WFDC1: variants seen among roughly 807,000 people sequenced by gnomAD.
The protein encoded by WFDC1 is WAP four-disulfide core domain protein 1.
WFDC1 carries 39 observed loss-of-function variants against 32.9 expected under a neutral mutation model. That is an observed-to-expected ratio of 1.19 (90% CI 0.92 to 1.55). The LOEUF is 1.55. Among genes scored for constraint, WFDC1 ranks in the 40% most tolerant of loss-of-function variants. WFDC1 has a pLI of 0.00. For synonymous variants in WFDC1, 184 were observed against 137.4 expected, an observed-to-expected ratio of 1.34 and a Z score of -2.37; for missense variants, 386 against 309.5, an observed-to-expected ratio of 1.25 and a Z score of -1.85.
intron 4 of WFDC1, among the ~76,000 whole-genome samples, chr16:84,319,872 C>G (rs1908205442): frequency 6.6e-6 from 1 of 152,196 alleles, no homozygotes; most frequent in African/African-American, 2.4e-5. Flanking sequence ...CCTCAGTTTC[C>G]TCATCTGTAA....
At chr16:84,318,247 C>T (rs7184264) in intron 2 of WFDC1, 25 bp from the exon 3 acceptor site, 49,578 of 1,613,422 alleles carry the variant, frequency 0.031, 1,643 homozygotes, top group African/African-American at 0.15. Context: ...GAGGAGGGCC[C>T]TGATCTGACC....
chr16:84,329,006 T>C (rs1445776935), intron 6 of WFDC1: 1 of 152,118 alleles, frequency 6.6e-6, no homozygotes, highest in Non-Finnish European at 1.5e-5. Flanking sequence ...GTTTAAATTC[T>C]TGTTCCAGCA....
chr16:84,311,642 C>T (rs181763317), intron 1 of WFDC1, among the ~76,000 whole-genome samples: 3 of 149,836 alleles, frequency 2.0e-5, no homozygotes, highest in Non-Finnish European at 4.4e-5. Context: ...CATCCTCCCG[C>T]CTCAGCCTCC....
intron 1 of WFDC1, among the ~76,000 whole-genome samples, chr16:84,312,472 G>T (rs1024460320): frequency 6.6e-6 from 1 of 152,118 alleles, no homozygotes; most frequent in African/African-American, 2.4e-5. Flanking sequence ...CGATGTTGTT[G>T]CATGGATTTA....
rs1280684345 is a variant in WFDC1, at chr16:84,303,254, A to C, written c.144+8139A>C. Among the ~76,000 whole-genome samples, 3 of 151,932 alleles carry C rather than the reference A, an allele frequency of 2.0e-5. No homozygotes were observed. In the East Asian group the frequency reaches 5.8e-4, roughly 29 times the overall value. The stretch of plus-strand genomic sequence containing the variant: ...GGAAAACTGGCTTTCTTCCTCCACC[A>C]CGCAAACCAGTGCTGGGGTGCATTT... On this transcript the variant is annotated intron_variant, in intron 1 of 6. Transcript: ENST00000219454.
chr16:84,310,920 G>A (rs1907578355), intron 1 of WFDC1, among the ~76,000 whole-genome samples: 1 of 152,170 alleles, frequency 6.6e-6, no homozygotes, highest in South Asian at 2.1e-4. Flanking sequence ...TGTTGGGGGA[G>A]GACTTGTGGG....
intron 3 of WFDC1, 49 bp from the exon 4 acceptor site, chr16:84,319,382 C>A: frequency 6.3e-7 from 1 of 1,593,178 alleles, no homozygotes; most frequent in Non-Finnish European, 8.5e-7. Context: ...GCATGTGCAC[C>A]TGTCCTGGGA....
At chr16:84,329,209 GA>G (rs1908780214) in intron 6 of WFDC1, 112 bp from the exon 7 acceptor site, 1 of 149,478 alleles carries the variant, frequency 6.7e-6, no homozygotes, top group Non-Finnish European at 1.5e-5. Flanking sequence ...GCGGCGGGGA[GA>G]CGAAAGATTT....
intron 1 of WFDC1, among the ~76,000 whole-genome samples, chr16:84,302,549 C>T (rs553126064): frequency 3.3e-5 from 5 of 152,132 alleles, no homozygotes; most frequent in South Asian, 2.1e-4. Flanking sequence ...CGTAGCTTCA[C>T]GCCCATCTCC....
Position 84,312,996 on chromosome 16 carries a change from GC to G in WFDC1, c.184del (p.Arg62GlufsTer44). 8.0e-7 allele frequency: 1 copy of G among 1,247,264 alleles called. No individual in the cohort carries two copies. Among genetic ancestry groups the G allele is most frequent in the Non-Finnish European group, 1.0e-6 (1 of 996,364 alleles). The allele number at this position is 1,247,264 out of a possible 1,614,324, so 77.3% of individuals were successfully genotyped here. A position where few individuals can be genotyped will look rare whatever the true frequency, so the allele number is the denominator to read the frequency against. On this transcript the variant is annotated frameshift_variant, in exon 2 of 7. Coordinates refer to ENST00000219454, the MANE Select transcript of WFDC1 (RefSeq NM_021197.4). LOFTEE classifies it high-confidence loss of function. ...EAGAPGGPRQ[P>X]RADRCPPPPR... ...CGGGCGCGCCCGGCGGCCCCCGGCA[GC>G]CCCGAGCAGACCGCTGCCCGCCGCC...
intron 4 of WFDC1, among the ~76,000 whole-genome samples, chr16:84,320,783 A>C (rs1454756510): frequency 6.6e-6 from 1 of 152,196 alleles, no homozygotes; most frequent in African/African-American, 2.4e-5. Context: ...AGCTAAGGAC[A>C]GGACCCTCAG....
chr16:84,319,310 C>G, intron 3 of WFDC1, 121 bp from the exon 4 acceptor site: 1 of 1,390,928 alleles, frequency 7.2e-7, no homozygotes. Flanking sequence ...AGAGGCGAGG[C>G]CGCCTCTCTG....
Position 84,294,995 on chromosome 16 carries a change from G to A in WFDC1, c.24G>A (p.Pro8=), listed in dbSNP as rs148802894. Residue 8 remains proline, a synonymous_variant, in exon 1 of 7, where the codon CCG becomes CCA. Coordinates refer to ENST00000219454, the MANE Select transcript of WFDC1 (RefSeq NM_021197.4). ...AAATGCCTTTAACCGGCGTGGGGCC[G>A]GGCAGCTGCAGGAGGCAGATCATCC... The part of the protein sequence containing the change: MPLTGVG[P]GSCRRQIIRA... 2.4e-5 allele frequency: 38 copies of A among 1,613,726 alleles called. No individual in the cohort carries two copies. In the African/African-American group the frequency reaches 2.7e-4, roughly 11 times the overall value.
intron 1 of WFDC1, among the ~76,000 whole-genome samples, chr16:84,311,968 C>G (rs1597677707): frequency 6.6e-6 from 1 of 152,128 alleles, no homozygotes; most frequent in East Asian, 1.9e-4. Context: ...GAGGTCCAGA[C>G]CAGCCTGGCC....
chr16:84,310,577 A>G (rs893938470), intron 1 of WFDC1, among the ~76,000 whole-genome samples: 1 of 152,192 alleles, frequency 6.6e-6, no homozygotes, highest in Non-Finnish European at 1.5e-5. Flanking sequence ...TTTACACCCT[A>G]TTCTTCTCTC....
intron 6 of WFDC1, chr16:84,327,559 T>C (rs1908676516): frequency 2.6e-5 from 4 of 152,278 alleles, no homozygotes; most frequent in Admixed American, 2.6e-4. Flanking sequence ...TAGTAGGTCA[T>C]TTTGCTTAAA....
chr16:84,318,198 T>C, intron 2 of WFDC1, 74 bp from the exon 3 acceptor site: 4 of 1,422,894 alleles, frequency 2.8e-6, no homozygotes, highest in Non-Finnish European at 4.0e-6. Flanking sequence ...GAAGTTGGGG[T>C]GCCCCCAGCC....
At chr16:84,304,214 A>C (rs1349339224) in intron 1 of WFDC1, among the ~76,000 whole-genome samples, 1 of 152,120 alleles carries the variant, frequency 6.6e-6, no homozygotes, top group Non-Finnish European at 1.5e-5. Context: ...ATGGCTTTGC[A>C]AATCTATTTT....
At chr16:84,309,571 C>T (rs1907485368) in intron 1 of WFDC1, among the ~76,000 whole-genome samples, 1 of 151,988 alleles carries the variant, frequency 6.6e-6, no homozygotes, top group African/African-American at 2.4e-5. Context: ...GCCGCCGTAA[C>T]AAATGACCAC....
Sources: allele counts gnomAD v4.1 joint callset (sites outside exome capture counted in the v4.1 genomes callset), GRCh38; gene constraint gnomAD v4.1.1; transcripts MANE v1.5; gene names NCBI Gene and HGNC (gene_info 2026-07-23, HGNC 2026-07-21).